The following LPAR1 variants were observed in gnomAD, a reference collection of about 807,000 sequenced individuals.
LPAR1 encodes lysophosphatidic acid receptor 1, also known as LPA receptor 1.
Under a neutral mutation model 23.8 loss-of-function variants are expected in LPAR1, and 5 were observed. The observed-to-expected ratio is 0.21, with a 90% CI of 0.11 to 0.44. The LOEUF is 0.44. LPAR1 is among the 20% of genes least tolerant of loss of function. The pLI is 0.99. For synonymous variants in LPAR1, 160 were observed against 164.7 expected, an observed-to-expected ratio of 0.97 and a Z score of 0.22; for missense variants, 311 against 482.8, an observed-to-expected ratio of 0.64 and a Z score of 3.33.
At chr9:110,947,932 AAACC>A (rs2095440923) in intron 4 of LPAR1, among the ~76,000 whole-genome samples, 2 of 152,112 alleles carry the variant, frequency 1.3e-5, no homozygotes, top group African/African-American at 4.8e-5. Flanking sequence ...AAATCAAATC[AAACC>A]AACTTACTTC....
chr9:110,899,020 G>A (rs73655660), intron 5 of LPAR1, among the ~76,000 whole-genome samples: 1,940 of 152,178 alleles, frequency 0.013, 35 homozygotes, highest in African/African-American at 0.043. Flanking sequence ...GACAAACATC[G>A]GCTAATTCTT....
intron 2 of LPAR1, among the ~76,000 whole-genome samples, chr9:111,035,396 A>AT (rs1329438185): frequency 7.3e-5 from 11 of 151,482 alleles, no homozygotes; most frequent in Admixed American, 3.3e-4. Context: ...TAATGTTTCT[A>AT]TTTTTTTTAT....
chr9:110,902,771 C>T (rs182700848), intron 5 of LPAR1, among the ~76,000 whole-genome samples: 2 of 152,250 alleles, frequency 1.3e-5, no homozygotes, highest in Non-Finnish European at 2.9e-5. Flanking sequence ...GAAGTGTTTT[C>T]CTTGGAGAGA....
chr9:110,922,852 T>TATTATTATTATTATC (rs1175278248), intron 5 of LPAR1, among the ~76,000 whole-genome samples: 3 of 148,016 alleles, frequency 2.0e-5, no homozygotes, highest in Admixed American at 1.4e-4. Flanking sequence ...TTATTATTAT[T>TATTATTATTATTATC]ATTATACTTT....
At chr9:110,940,924 A>T (rs1237727944) in intron 5 of LPAR1, among the ~76,000 whole-genome samples, 5 of 152,240 alleles carry the variant, frequency 3.3e-5, no homozygotes, top group Non-Finnish European at 7.3e-5. Context: ...CATTAATTCC[A>T]ATCTGTTTTG....
chr9:110,968,957 T>C (rs1342985816), intron 4 of LPAR1, among the ~76,000 whole-genome samples: 3 of 152,094 alleles, frequency 2.0e-5, no homozygotes, highest in Admixed American at 1.3e-4. Context: ...GTGGATACCT[T>C]CCCCTCAGGC....
At chr9:110,886,420 G>GAAA (rs5899920) in intron 5 of LPAR1, among the ~76,000 whole-genome samples, 58 of 117,130 alleles carry the variant, frequency 5.0e-4, no homozygotes, top group East Asian at 9.2e-4. Flanking sequence ...ATAACCAAAG[G>GAAA]AAAAAAAAAA....
At position 110,964,163 on chromosome 9, in the gene LPAR1, C is replaced by T. The variant is rs59414567; in HGVS notation, c.45+7910G>A. ...TTGTATTCTTCAGTTGTGAAATATT[C>T]TAGTTATAATTTCAATCTGTTTTCT... is the stretch of plus-strand genomic sequence containing the variant. On this transcript the variant is annotated intron_variant, in intron 4 of 5. Coordinates refer to ENST00000683809, the MANE Select transcript of LPAR1 (RefSeq NM_001351411.2). Among the ~76,000 whole-genome samples, 1,077 of 152,174 alleles carry T rather than the reference C, an allele frequency of 7.1e-3. 16 individuals carry two copies. Among genetic ancestry groups the T allele is most frequent in the African/African-American group, 0.024 (1,010 of 41,504 alleles).
chr9:110,965,471 G>A (rs890610249), intron 4 of LPAR1, among the ~76,000 whole-genome samples: 8 of 152,086 alleles, frequency 5.3e-5, no homozygotes, highest in Non-Finnish European at 7.4e-5. Context: ...GGATATGAAC[G>A]GATACTTCTC....
intron 5 of LPAR1, among the ~76,000 whole-genome samples, chr9:110,906,933 A>C (rs879774452): frequency 0.037 from 5,683 of 152,248 alleles, 172 homozygotes; most frequent in Non-Finnish European, 0.047. Context: ...TCCTTTATTG[A>C]TGCAAAAGGG....
chr9:110,899,265 A>G (rs1210166992), intron 5 of LPAR1, among the ~76,000 whole-genome samples: 2 of 152,188 alleles, frequency 1.3e-5, no homozygotes, highest in African/African-American at 4.8e-5. Flanking sequence ...CATAGTTGAC[A>G]CTCTAGGAAA....
chr9:111,009,717 T>G (rs2097290386), intron 2 of LPAR1, among the ~76,000 whole-genome samples: 2 of 151,818 alleles, frequency 1.3e-5, no homozygotes, highest in Non-Finnish European at 2.9e-5. Context: ...TATTTGAGTA[T>G]ATGAAGGGAC....
rs189423160 is a variant in LPAR1 at position 110,984,870 on chromosome 9, C to G, written c.-181-11312G>C. ...AGCTAAGATGAAAACTCCAGAAAAT[C>G]ACAAGAAAAAGGAGAACATTCTTCA... On this transcript the variant is annotated intron_variant, in intron 2 of 5. Transcript: ENST00000683809. 5.7e-4 allele frequency among the ~76,000 whole-genome samples: 86 copies of G among 151,168 alleles called. 1 individual carries two copies. The highest frequency in any genetic ancestry group is 3.4e-3 in the Middle Eastern group (1 of 290).
intron 2 of LPAR1, among the ~76,000 whole-genome samples, chr9:111,010,418 G>A (rs2097311139): frequency 2.6e-5 from 4 of 152,046 alleles, no homozygotes; most frequent in Admixed American, 1.3e-4. Flanking sequence ...TTGATTCTTG[G>A]GAACCAGAGC....
At chr9:110,905,468 C>T (rs980734503) in intron 5 of LPAR1, among the ~76,000 whole-genome samples, 4 of 151,688 alleles carry the variant, frequency 2.6e-5, no homozygotes, top group Non-Finnish European at 4.4e-5. Context: ...GTTTCACCTT[C>T]CCCCAGCAGC....
At chr9:110,891,898 G>C (rs1046581253) in intron 5 of LPAR1, among the ~76,000 whole-genome samples, 2 of 152,334 alleles carry the variant, frequency 1.3e-5, no homozygotes, top group African/African-American at 2.4e-5. Context: ...AGCAAATGTT[G>C]ACTTGGATAT....
At chr9:111,000,827 C>T (rs1462258173) in intron 2 of LPAR1, among the ~76,000 whole-genome samples, 1 of 152,162 alleles carries the variant, frequency 6.6e-6, no homozygotes, top group Admixed American at 6.5e-5. Flanking sequence ...TGCCACTTTT[C>T]CATTAAAATG....
intron 1 of LPAR1, among the ~76,000 whole-genome samples, chr9:111,037,339 G>T (rs544834541): frequency 7.9e-5 from 12 of 152,316 alleles, no homozygotes; most frequent in Admixed American, 7.2e-4. Context: ...CAACAAAAAT[G>T]AAGAGAGGAG....
At chr9:111,022,335 G>C (rs558372174) in intron 2 of LPAR1, among the ~76,000 whole-genome samples, 1 of 152,132 alleles carries the variant, frequency 6.6e-6, no homozygotes, top group East Asian at 1.9e-4. Context: ...GTATTGTCAA[G>C]GGTATCATGC....
Sources: allele counts gnomAD v4.1 joint callset (sites outside exome capture counted in the v4.1 genomes callset), GRCh38; gene constraint gnomAD v4.1.1; transcripts MANE v1.5; gene names NCBI Gene and HGNC (gene_info 2026-07-23, HGNC 2026-07-21).